The following SLC29A3 variants were observed in gnomAD, a reference collection of about 807,000 sequenced individuals.
SLC29A3 encodes the protein equilibrative nucleoside transporter 3.
Under a neutral mutation model 25.4 loss-of-function variants are expected in SLC29A3, and 18 were observed. The ratio of observed to expected loss-of-function variants is 0.71; its 90% CI spans 0.49 to 1.05. The LOEUF (loss-of-function observed/expected upper bound fraction) is 1.05. Ranked by LOEUF, SLC29A3 falls within the 50% of genes least tolerant of loss-of-function variation. The pLI is 0.00. For missense variants in SLC29A3, 586 were observed against 609.0 expected (o/e 0.96, Z 0.40); for synonymous variants, 258 against 267.1 (o/e 0.97, Z 0.33).
At chr10:71,355,759 T>G (rs1002604425) in intron 4 of SLC29A3, among the ~76,000 whole-genome samples, 1 of 152,064 alleles carries the variant, frequency 6.6e-6, no homozygotes, top group African/African-American at 2.4e-5. Context: ...TAAAGAGAGA[T>G]GGAGGTTGAG....
chr10:71,376,373 G>C (rs1847251854), intron 4 of SLC29A3, among the ~76,000 whole-genome samples: 1 of 131,948 alleles, frequency 7.6e-6, no homozygotes, highest in South Asian at 2.6e-4. Flanking sequence ...ACTAGCCTGG[G>C]TTGGAAATCT....
Position 71,351,590 on chromosome 10 carries a change from T to C in SLC29A3, c.412T>C (p.Ser138Pro). The C allele has an allele frequency of 6.2e-7, 1 of 1,614,238 alleles. No homozygotes were observed. Among genetic ancestry groups the C allele is most frequent in the Non-Finnish European group, 8.5e-7 (1 of 1,180,042 alleles). ...RVAVHIRVLA[S>P]LTVILAIFMV... ...TGCAGTCCACATCCGTGTCCTGGCC[T>C]CACTGACGGTCATCCTGGCCATCTT... The change falls in exon 4 of 6, where the codon TCA (serine) becomes CCA (proline). Residue 138 changes from serine (S) to proline (P), a missense_variant. Physicochemically the swap from Ser to Pro is moderately conservative, Grantham distance 74 (BLOSUM62 -1). Transcript: ENST00000373189.
At chr10:71,337,061 C>G (rs1457864151) in intron 2 of SLC29A3, among the ~76,000 whole-genome samples, 1 of 152,182 alleles carries the variant, frequency 6.6e-6, no homozygotes, top group Admixed American at 6.5e-5. Flanking sequence ...GATTCTGACC[C>G]CAGATTTGTC....
exon 5 of SLC29A3, chr10:71,380,056 G>A (rs1021141388): frequency 5.9e-5 from 9 of 152,252 alleles, no homozygotes; most frequent in Non-Finnish European, 7.3e-5. Flanking sequence ...AGAAGGGATG[G>A]GGAGGAGCGC....
At chr10:71,367,941 G>A (rs143983626), downstream of SLC29A3, among the ~76,000 whole-genome samples, 19 of 152,268 alleles carry the variant, frequency 1.2e-4, no homozygotes, top group African/African-American at 2.9e-4. Context: ...AAAATAAGCC[G>A]GCCAGGCATG....
chr10:71,377,189 A>G (rs943384799), intron 4 of SLC29A3, among the ~76,000 whole-genome samples: 1 of 152,188 alleles, frequency 6.6e-6, no homozygotes, highest in African/African-American at 2.4e-5. Flanking sequence ...GTGGCACGGC[A>G]GGGGCTGATG....
At chr10:71,370,642 C>T (rs1047771945) in intron 3 of SLC29A3, among the ~76,000 whole-genome samples, 1 of 152,140 alleles carries the variant, frequency 6.6e-6, no homozygotes, top group African/African-American at 2.4e-5. Context: ...TCAAGTGATC[C>T]TCCCACCTCA....
rs117388732 is a variant in SLC29A3 at position 71,361,768 on chromosome 10, C to T, written c.774-186C>T. ...GCGCTGGCAGGCAGGCCAGGGACAA[C>T]GCAGGCCTTCCCCTGGCCACCCCGT... On this transcript the variant is annotated intron_variant, in intron 5 of 5. Transcript: ENST00000373189. 6.5e-3 allele frequency among the ~76,000 whole-genome samples: 993 copies of T among 152,332 alleles called. 10 individuals are homozygous for T. Among genetic ancestry groups the T allele is most frequent in the South Asian group, 0.023 (111 of 4,830 alleles).
chr10:71,380,842 A>G (rs1342761231), exon 5 of SLC29A3: 1 of 151,938 alleles, frequency 6.6e-6, no homozygotes, highest in African/African-American at 2.4e-5. Flanking sequence ...CCTTTGTGGC[A>G]CTTATTATAA....
chr10:71,336,094 C>T (rs1846244931), intron 2 of SLC29A3, among the ~76,000 whole-genome samples: 2 of 152,192 alleles, frequency 1.3e-5, no homozygotes, highest in African/African-American at 4.8e-5. Context: ...TAGGGAATAA[C>T]ATTTCCTTGC....
chr10:71,346,567 C>T (rs1002878939), intron 3 of SLC29A3, among the ~76,000 whole-genome samples: 1 of 152,152 alleles, frequency 6.6e-6, no homozygotes, highest in Non-Finnish European at 1.5e-5. Context: ...TAGCCTGGCA[C>T]GGTGACACAT....
At position 71,322,815 on chromosome 10, in the gene SLC29A3, A is replaced by T; in HGVS notation, c.61A>T (p.Ser21Cys). ...TTCAAACTCCACCTACAGAACCACA[A>T]GCAGCAGTCTCCGAGCTGACCAGGA... ...HSSNSTYRTT[S>C]SSLRADQEAL... is the part of the protein sequence containing the mutation. The change falls in exon 2 of 6, where the codon AGC (serine) becomes TGC (cysteine). Residue 21 changes from serine (S) to cysteine (C), a missense_variant. By Grantham distance (112) the Ser-to-Cys change is moderately radical. Transcript: ENST00000373189. The T allele has an allele frequency of 6.2e-7, 1 of 1,614,202 alleles. No homozygotes were observed. The highest frequency in any genetic ancestry group is 2.2e-5 in the East Asian group (1 of 44,878).
chr10:71,368,063 A>T (rs1196127684), downstream of SLC29A3, among the ~76,000 whole-genome samples: 1 of 151,954 alleles, frequency 6.6e-6, no homozygotes, highest in Non-Finnish European at 1.5e-5. Context: ...TCGCTACAAA[A>T]ATATATATAT....
chr10:71,335,192 C>A (rs1372503906), intron 2 of SLC29A3, among the ~76,000 whole-genome samples: 1 of 152,172 alleles, frequency 6.6e-6, no homozygotes, highest in Admixed American at 6.5e-5. Flanking sequence ...TCCTTCTACA[C>A]CCAGCACTGC....
In SLC29A3 at chr10:71,362,282, T is replaced by C; in HGVS notation, c.1102T>C (p.Trp368Arg). The change falls in exon 6 of 6, where the codon TGG (tryptophan) becomes CGG (arginine). Residue 368 changes from tryptophan (W) to arginine (R), a missense_variant. Trp to Arg is a moderately radical substitution (Grantham distance 101). Coordinates refer to ENST00000373189, the MANE Select transcript of SLC29A3 (RefSeq NM_018344.6). ...CCTATGTGGCCGGCAGCTCACCGCC[T>C]GGATCCAGGTGCCAGGGCCCAATAG... ...ADLCGRQLTA[W>R]IQVPGPNSKA... is the part of the protein sequence containing the mutation. The C allele has an allele frequency of 6.2e-7, 1 of 1,614,214 alleles. No homozygotes were observed. The highest frequency in any genetic ancestry group is 8.5e-7 in the Non-Finnish European group (1 of 1,180,034).
At chr10:71,361,837 C>T (rs530371840) in intron 5 of SLC29A3, 117 bp from the exon 6 acceptor site, 21 of 1,237,326 alleles carry the variant, frequency 1.7e-5, no homozygotes, top group Admixed American at 1.1e-4. Context: ...TGTGGGCATA[C>T]GGGGCTTGGG....
At chr10:71,343,058 G>A (rs562848873) in intron 2 of SLC29A3, among the ~76,000 whole-genome samples, 5 of 152,290 alleles carry the variant, frequency 3.3e-5, no homozygotes, top group South Asian at 2.1e-4. Flanking sequence ...CTGCAGCCTC[G>A]AACTCCTTGC....
chr10:71,321,953 CAG>C (rs1462644908), intron 1 of SLC29A3, among the ~76,000 whole-genome samples: 1 of 152,238 alleles, frequency 6.6e-6, no homozygotes, highest in Non-Finnish European at 1.5e-5. Flanking sequence ...AATGGACTGT[CAG>C]AGGCTACACA....
rs150101036 is a variant in SLC29A3, at chr10:71,356,444, A to G, written c.773+201A>G. On this transcript the variant is annotated intron_variant, in intron 5 of 5. Coordinates refer to ENST00000373189, the MANE Select transcript of SLC29A3 (RefSeq NM_018344.6). ...AGCAGTTGGAGCCTCAAGTTTAATC[A>G]TGGTGAATAATAGTTCACACTGGTG... 5.1e-3 allele frequency among the ~76,000 whole-genome samples: 778 copies of G among 152,326 alleles called. 10 individuals carry two copies. The highest frequency in any genetic ancestry group is 0.017 in the African/African-American group (727 of 41,566).
Sources: gnomAD v4.1 joint callset for allele counts (sites outside exome capture counted in the v4.1 genomes callset) on GRCh38, gnomAD v4.1.1 for gene constraint, MANE v1.5 for transcripts, NCBI Gene and HGNC (gene_info 2026-07-23, HGNC 2026-07-21) for gene names.